STAB2: variants seen among roughly 807,000 people sequenced by gnomAD.
STAB2 encodes the protein stabilin-2.
In STAB2, 288 loss-of-function variants were observed where a neutral mutation model predicts 338.1. That is an observed-to-expected ratio of 0.85 (90% CI 0.77 to 0.94). The LOEUF (loss-of-function observed/expected upper bound fraction) is 0.94. STAB2 is among the 40% of genes least tolerant of loss of function. The pLI is 0.00. For missense variants in STAB2, 3,141 were observed against 3,210.1 expected (o/e 0.98, Z 0.52); for synonymous variants, 1,202 against 1,193.3 (o/e 1.01, Z -0.15).
chr12:103,717,828 A>G lies in STAB2; in HGVS notation c.4670A>G (p.Asn1557Ser), dbSNP rs747570597. Residue 1557 changes from asparagine (N) to serine (S), a missense_variant, in exon 44 of 69, where the codon AAT (asparagine) becomes AGT (serine). Transcript: ENST00000388887. ...GATGGAAAGGTCTGCACACTCATCAATGTCTGCTTAACTGTGAGTATGGCT... is the reference window on the plus strand; with the variant it reads ...GATGGAAAGGTCTGCACACTCATCAGTGTCTGCTTAACTGTGAGTATGGCT... ...TGDGKVCTLI[N>S]VCLTKNGGCS... is the part of the protein sequence containing the mutation. The G allele has an allele frequency of 2.5e-6, 4 of 1,614,016 alleles. No individual in the cohort carries two copies. The East Asian group carries it at 6.7e-5, about 27-fold the overall frequency.
Position 103,739,416 on chromosome 12 carries a change from A to G in STAB2, c.5702A>G (p.Glu1901Gly). The change falls in exon 54 of 69, where the codon GAG (glutamate) becomes GGG (glycine). Residue 1901 changes from glutamate to glycine, a missense_variant. Glu to Gly is a moderately conservative substitution (Grantham distance 98). Transcript: ENST00000388887. ...GTTTCTTTTCTTGCATACTAGGGGG[A>G]GTGTGGGAGCTGTGTCAATACTCCC... ...DTFTTFDASG[E>G]CGSCVNTPSC... The G allele has an allele frequency of 3.8e-6, 6 of 1,584,814 alleles. No homozygotes were observed. The highest frequency in any genetic ancestry group is 3.6e-5 in the Admixed American group (2 of 54,960).
At chr12:103,607,461 T>TGTGCCATGTTGGTGTGTC (rs541746342) in intron 3 of STAB2, among the ~76,000 whole-genome samples, 6,002 of 151,976 alleles carry the variant, frequency 0.039, 174 homozygotes, top group East Asian at 0.12. Context: ...TATGTATACG[T>TGTGCCATGTTGGTGTGTC]GTGCCATGTT....
Position 103,610,675 on chromosome 12 carries a change from GTCTC to G in STAB2, c.332-9791_332-9788del, listed in dbSNP as rs1226419379. Among the ~76,000 whole-genome samples, 17 of 152,180 alleles carry G rather than the reference GTCTC, an allele frequency of 1.1e-4. No homozygotes were observed. The South Asian group carries it at 3.3e-3, about 30-fold the overall frequency. On this transcript the variant is annotated intron_variant, in intron 3 of 68. Transcript: ENST00000388887. ...ATTAATTTTTTGAAGGGTTTTTTAT[GTCTC>G]TATCTCCCTCAGTTCTGCTCTGATC...
chr12:103,734,951 G>C (rs1302430641), intron 51 of STAB2, among the ~76,000 whole-genome samples: 1 of 152,128 alleles, frequency 6.6e-6, no homozygotes, highest in African/African-American at 2.4e-5. Flanking sequence ...GTGTGTTTCT[G>C]TGCCTTCACG....
At chr12:103,691,873 A>G (rs1309289605) in intron 30 of STAB2, among the ~76,000 whole-genome samples, 1 of 125,712 alleles carries the variant, frequency 8.0e-6, no homozygotes, top group Admixed American at 9.6e-5. Context: ...AGGAAACCAG[A>G]AAGAGTAGAG....
intron 3 of STAB2, among the ~76,000 whole-genome samples, chr12:103,604,934 T>C (rs1436590944): frequency 7.3e-6 from 1 of 136,676 alleles, no homozygotes; most frequent in Admixed American, 7.0e-5. Context: ...TAAGTTTGAG[T>C]CATTATTTAA....
chr12:103,643,388 C>T (rs1245624120), intron 9 of STAB2, among the ~76,000 whole-genome samples: 2 of 152,182 alleles, frequency 1.3e-5, no homozygotes, highest in Non-Finnish European at 2.9e-5. Flanking sequence ...CGTGCTCTTC[C>T]TTCCACTTAG....
At chr12:103,700,271 CA>C (rs1377237709) in intron 34 of STAB2, among the ~76,000 whole-genome samples, 1 of 152,064 alleles carries the variant, frequency 6.6e-6, no homozygotes, top group Non-Finnish European at 1.5e-5. Context: ...TGTAAATTAT[CA>C]CAAGAAAAAT....
intron 31 of STAB2, among the ~76,000 whole-genome samples, chr12:103,693,391 C>G (rs1259892757): frequency 6.6e-6 from 1 of 151,944 alleles, no homozygotes; most frequent in Non-Finnish European, 1.5e-5. Context: ...GAGCTGTGTT[C>G]AAGCCACTGC....
intron 3 of STAB2, among the ~76,000 whole-genome samples, chr12:103,606,976 T>C (rs1957038507): frequency 6.6e-6 from 1 of 152,110 alleles, no homozygotes. Flanking sequence ...AGAGCAAGAC[T>C]CTGTCTCAAA....
intron 52 of STAB2, among the ~76,000 whole-genome samples, chr12:103,737,191 C>G (rs982868072): frequency 5.3e-5 from 8 of 152,168 alleles, no homozygotes; most frequent in African/African-American, 1.7e-4. Flanking sequence ...CAACCTATCA[C>G]CCACTGCTGA....
intron 3 of STAB2, among the ~76,000 whole-genome samples, chr12:103,600,610 G>C (rs1956939625): frequency 6.6e-6 from 1 of 152,200 alleles, no homozygotes; most frequent in Non-Finnish European, 1.5e-5. Flanking sequence ...TATGAATTTA[G>C]GGAGACACAA....
chr12:103,727,254 T>C lies in STAB2; in HGVS notation c.4852-13T>C, dbSNP rs1328783703. On this transcript the variant is annotated splice_polypyrimidine_tract_variant and intron_variant, in intron 46 of 68. Transcript: ENST00000388887. ...AAGTGAGTGATGTGTGAGCCTCACC[T>C]TTCTTCCCACAGGAGCATTTCGTGA... 1 of 1,614,158 alleles carries C rather than the reference T, an allele frequency of 6.2e-7. No individual in the cohort carries two copies. The highest frequency in any genetic ancestry group is 1.1e-5 in the South Asian group (1 of 91,090).
chr12:103,740,623 C>G lies in STAB2; in HGVS notation c.5755-7C>G, dbSNP rs1274294082. The G allele has an allele frequency of 1.2e-6, 2 of 1,611,200 alleles. No homozygotes were observed. Among genetic ancestry groups the G allele is most frequent in the East Asian group, 2.2e-5 (1 of 44,674 alleles). On this transcript the variant is annotated splice_region_variant and splice_polypyrimidine_tract_variant and intron_variant, in intron 54 of 68. Transcript: ENST00000388887. Reference sequence around the variant, plus strand: ...AAGTGAAGGGATGGTCCACTCTCTTCCCTTAGGGTGTGAAGCAGAAGTGTC... The same window carrying G: ...AAGTGAAGGGATGGTCCACTCTCTTGCCTTAGGGTGTGAAGCAGAAGTGTC...
chr12:103,650,654 AG>A (rs767098066), intron 11 of STAB2, 76 bp downstream of exon 11: 12 of 1,233,704 alleles, frequency 9.7e-6, no homozygotes, highest in Non-Finnish European at 1.3e-5. Flanking sequence ...TTTTATTTAA[AG>A]TGGGAAATCC....
chr12:103,690,569 G>A (rs1350957363), intron 30 of STAB2, 31 bp downstream of exon 30: 1 of 1,571,168 alleles, frequency 6.4e-7, no homozygotes. Context: ...CTGTTTACTT[G>A]AAACATAACA....
At chr12:103,698,997 T>A in intron 33 of STAB2, 99 bp from the exon 34 acceptor site, 1 of 1,428,714 alleles carries the variant, frequency 7.0e-7, no homozygotes. Flanking sequence ...GACAAGCTGT[T>A]GTTCCTCTTT....
At chr12:103,731,037 C>T (rs963932016) in intron 49 of STAB2, among the ~76,000 whole-genome samples, 19 of 152,142 alleles carry the variant, frequency 1.2e-4, no homozygotes, top group African/African-American at 4.6e-4. Flanking sequence ...GCACTCTAGT[C>T]TGGGCAACCA....
At chr12:103,758,111 C>T in intron 63 of STAB2, 59 bp from the exon 64 acceptor site, 1 of 1,606,026 alleles carries the variant, frequency 6.2e-7, no homozygotes, top group African/African-American at 1.3e-5. Context: ...CCTTCTTCAG[C>T]CACCCAGGTC....
Sources: gnomAD v4.1 joint callset for allele counts (sites outside exome capture counted in the v4.1 genomes callset) on GRCh38, gnomAD v4.1.1 for gene constraint, MANE v1.5 for transcripts, NCBI Gene and HGNC (gene_info 2026-07-23, HGNC 2026-07-21) for gene names.